SNX29: variants seen among roughly 807,000 people sequenced by gnomAD.
SNX29 encodes sorting nexin 29, also known as sorting nexin-29.
A neutral mutation model predicts 102.1 loss-of-function variants in SNX29; 78 were observed. The observed-to-expected ratio is 0.76, with a 90% CI of 0.64 to 0.92. The LOEUF (loss-of-function observed/expected upper bound fraction) is 0.92, where lower values mean the gene tolerates loss of function less well. Ranked by LOEUF, SNX29 falls within the 40% of genes least tolerant of loss-of-function variation. The pLI is 0.00. For synonymous variants in SNX29, 580 were observed against 414.5 expected, an observed-to-expected ratio of 1.40 and a Z score of -4.85; for missense variants, 1,280 against 1,061.7, an observed-to-expected ratio of 1.21 and a Z score of -2.86.
chr16:12,500,131 A>G (rs2151890386), intron 19 of SNX29, among the ~76,000 whole-genome samples: 1 of 152,204 alleles, frequency 6.6e-6, no homozygotes, highest in Middle Eastern at 3.4e-3. Flanking sequence ...AGCTGGGGCT[A>G]CAGGCACATG....
chr16:12,529,326 G>C (rs1040515478), intron 20 of SNX29, among the ~76,000 whole-genome samples: 4 of 152,204 alleles, frequency 2.6e-5, no homozygotes, highest in Admixed American at 1.3e-4. Flanking sequence ...TTCGTCGTCT[G>C]ACATTTGGGG....
intron 19 of SNX29, among the ~76,000 whole-genome samples, chr16:12,484,544 G>C (rs1038842781): frequency 1.3e-5 from 2 of 152,046 alleles, no homozygotes; most frequent in Non-Finnish European, 2.9e-5. Context: ...TCCCCTGGTA[G>C]CTCCCTCACC....
At chr16:12,527,497 C>T (rs1392820757) in intron 20 of SNX29, 13 of 426,562 alleles carry the variant, frequency 3.0e-5, no homozygotes, top group African/African-American at 1.0e-4. Context: ...AGTTACTGAA[C>T]GTAACCGGAT....
chr16:12,216,375 T>A (rs2077323963), intron 14 of SNX29, among the ~76,000 whole-genome samples: 1 of 152,122 alleles, frequency 6.6e-6, no homozygotes. Flanking sequence ...AGAAGAAATA[T>A]GATGGCACAA....
At chr16:12,004,068 G>A (rs1276065915) in intron 3 of SNX29, among the ~76,000 whole-genome samples, 10 of 151,664 alleles carry the variant, frequency 6.6e-5, no homozygotes, top group Admixed American at 2.0e-4. Context: ...TCGGCTGGGC[G>A]CAGTGGCTCA....
At chr16:12,518,853 C>G (rs970454237) in intron 19 of SNX29, among the ~76,000 whole-genome samples, 5 of 152,126 alleles carry the variant, frequency 3.3e-5, no homozygotes, top group South Asian at 2.1e-4. Flanking sequence ...TCCCACAGAG[C>G]CGGTAAATGG....
At chr16:12,365,649 C>G (rs1281314005) in intron 16 of SNX29, among the ~76,000 whole-genome samples, 19 of 150,206 alleles carry the variant, frequency 1.3e-4, no homozygotes, top group African/African-American at 4.2e-4. Flanking sequence ...CGAGATCACG[C>G]AACTACACTC....
chr16:12,009,457 A>G (rs1337832834), intron 3 of SNX29, among the ~76,000 whole-genome samples: 1 of 113,954 alleles, frequency 8.8e-6, no homozygotes, highest in Non-Finnish European at 2.0e-5. Context: ...GTGTGTGTAT[A>G]TATGTGTGTG....
intron 15 of SNX29, among the ~76,000 whole-genome samples, chr16:12,300,539 A>T (rs2080135239): frequency 1.3e-5 from 2 of 152,202 alleles, no homozygotes; most frequent in Admixed American, 6.5e-5. Flanking sequence ...TGTTAACCTC[A>T]GTCCCTTTTT....
At chr16:12,030,175 C>CA (rs2057300376) in intron 4 of SNX29, among the ~76,000 whole-genome samples, 1 of 152,194 alleles carries the variant, frequency 6.6e-6, no homozygotes, top group Non-Finnish European at 1.5e-5. Context: ...TCCATACCCT[C>CA]AAATATTATT....
Position 12,572,107 on chromosome 16 carries a change from T to G in SNX29, c.*3478T>G, listed in dbSNP as rs17822411. The G allele has an allele frequency of 1.8e-5, 19 of 1,051,940 alleles. No homozygotes were observed. The South Asian group carries it at 6.9e-4, about 38-fold the overall frequency. 65.2% of individuals were successfully genotyped at this position (1,051,940 alleles called of 1,614,324 possible). On this transcript the variant is annotated 3_prime_UTR_variant, in exon 21 of 21. Coordinates refer to ENST00000566228, the MANE Select transcript of SNX29 (RefSeq NM_032167.5). ...GAAGGGGAGGGATGTGGACTGGGTC[T>G]GATCACAGCCCTTGGCCCTGCTTCA...
intron 2 of SNX29, among the ~76,000 whole-genome samples, chr16:11,999,803 A>G (rs1386340478): frequency 6.6e-6 from 1 of 152,006 alleles, no homozygotes; most frequent in Non-Finnish European, 1.5e-5. Context: ...TGGGAGGCTG[A>G]GGCAGGAGAA....
chr16:12,267,438 G>A (rs989507830), intron 14 of SNX29, among the ~76,000 whole-genome samples: 1 of 152,178 alleles, frequency 6.6e-6, no homozygotes, highest in African/African-American at 2.4e-5. Flanking sequence ...GAGATTTCAT[G>A]CCGTGGTGTT....
intron 11 of SNX29, among the ~76,000 whole-genome samples, chr16:12,102,305 TGATATTTCTGGTTCTA>T (rs1222465075): frequency 6.6e-6 from 1 of 152,220 alleles, no homozygotes; most frequent in Non-Finnish European, 1.5e-5. Context: ...CTGGGTCAAA[TGATATTTCTGGTTCTA>T]GATCCTTGAG....
At chr16:12,523,737 G>C (rs1310431465) in intron 19 of SNX29, among the ~76,000 whole-genome samples, 3 of 152,222 alleles carry the variant, frequency 2.0e-5, no homozygotes, top group Non-Finnish European at 2.9e-5. Flanking sequence ...TGTAGGATGA[G>C]TGAGGGGGTT....
At chr16:12,088,962 C>G (rs1000545514) in intron 11 of SNX29, among the ~76,000 whole-genome samples, 2 of 152,086 alleles carry the variant, frequency 1.3e-5, no homozygotes, top group African/African-American at 4.8e-5. Flanking sequence ...GTGGTGGGCA[C>G]CTGTGGTCCC....
At chr16:12,064,780 C>T (rs1446628185) in intron 9 of SNX29, among the ~76,000 whole-genome samples, 1 of 152,210 alleles carries the variant, frequency 6.6e-6, no homozygotes, top group Non-Finnish European at 1.5e-5. Flanking sequence ...CAGGTGGCCA[C>T]CGCCACCATT....
intron 16 of SNX29, among the ~76,000 whole-genome samples, chr16:12,364,215 T>TATG (rs1178256421): frequency 6.6e-6 from 1 of 151,498 alleles, no homozygotes; most frequent in African/African-American, 2.4e-5. Context: ...TATGTTATGT[T>TATG]ATTTTTGTAG....
intron 15 of SNX29, among the ~76,000 whole-genome samples, chr16:12,302,520 G>C (rs2080207911): frequency 6.6e-6 from 1 of 152,216 alleles, no homozygotes; most frequent in Non-Finnish European, 1.5e-5. Context: ...GTGGTTCATA[G>C]AGGGCATGTT....
Sources: allele counts gnomAD v4.1 joint callset (sites outside exome capture counted in the v4.1 genomes callset), GRCh38; gene constraint gnomAD v4.1.1; transcripts MANE v1.5; gene names NCBI Gene and HGNC (gene_info 2026-07-23, HGNC 2026-07-21).